NEURL1: variants seen among roughly 807,000 people sequenced by gnomAD.
The protein encoded by NEURL1 is neuralized E3 ubiquitin protein ligase 1.
A neutral mutation model predicts 41.2 loss-of-function variants in NEURL1; 26 were observed. The ratio of observed to expected loss-of-function variants is 0.63; its 90% CI spans 0.46 to 0.87. NEURL1 has a LOEUF of 0.87. NEURL1 is among the 40% of genes least tolerant of loss of function. The probability of loss-of-function intolerance (pLI) is 0.00; values close to 1 mark genes in which losing one functional copy is unlikely to be tolerated. For missense variants in NEURL1, 761 were observed against 871.1 expected (o/e 0.87, Z 1.59); for synonymous variants, 400 against 402.3 (o/e 0.99, Z 0.07).
At chr10:103,530,819 G>GC (rs111437856) in intron 1 of NEURL1, among the ~76,000 whole-genome samples, 73,764 of 151,666 alleles carry the variant, frequency 0.49, 18,706 homozygotes, top group African/African-American at 0.62. Flanking sequence ...GGGATTACAG[G>GC]ATGAGCCACC....
At chr10:103,557,142 T>C (rs1371745192) in intron 1 of NEURL1, among the ~76,000 whole-genome samples, 2 of 152,142 alleles carry the variant, frequency 1.3e-5, no homozygotes, top group East Asian at 3.9e-4. Context: ...AAGATTGCTG[T>C]GCAGGCCAGG....
chr10:103,498,702 C>G (rs2033749036), intron 1 of NEURL1, among the ~76,000 whole-genome samples: 1 of 152,204 alleles, frequency 6.6e-6, no homozygotes, highest in Non-Finnish European at 1.5e-5. Context: ...TCCTGTTACC[C>G]TCTCCCCTGA....
chr10:103,534,115 CTT>C (rs1171642323), intron 1 of NEURL1, among the ~76,000 whole-genome samples: 7 of 148,486 alleles, frequency 4.7e-5, no homozygotes, highest in African/African-American at 1.5e-4. Flanking sequence ...GTTTCTATCT[CTT>C]TGTTGAATTT....
intron 1 of NEURL1, among the ~76,000 whole-genome samples, chr10:103,542,463 A>G (rs1055599722): frequency 1.4e-4 from 22 of 152,022 alleles, no homozygotes; most frequent in Non-Finnish European, 2.5e-4. Context: ...GGGTCTTGCT[A>G]TGTTACCCAG....
At chr10:103,547,322 C>T (rs1238296657) in intron 1 of NEURL1, among the ~76,000 whole-genome samples, 3 of 152,258 alleles carry the variant, frequency 2.0e-5, no homozygotes, top group Non-Finnish European at 4.4e-5. Context: ...AGTGGCCATA[C>T]TGGGAGTACC....
intron 1 of NEURL1, among the ~76,000 whole-genome samples, chr10:103,559,294 T>C (rs547732891): frequency 4.6e-5 from 7 of 152,310 alleles, no homozygotes; most frequent in African/African-American, 1.7e-4. Flanking sequence ...GGCTCGTGCC[T>C]GTGGGCTCCA....
chr10:103,565,643 T>C (rs2035406966), intron 1 of NEURL1, among the ~76,000 whole-genome samples: 1 of 152,186 alleles, frequency 6.6e-6, no homozygotes, highest in Non-Finnish European at 1.5e-5. Flanking sequence ...AGTTGTATTA[T>C]AGATTTTACT....
intron 5 of NEURL1, 67 bp from the exon 6 acceptor site, chr10:103,590,067 C>T (rs1050384072): frequency 1.3e-6 from 2 of 1,488,762 alleles, no homozygotes; most frequent in African/African-American, 2.8e-5. Flanking sequence ...CCGGGGAGCT[C>T]TCTTCCCGTG....
At chr10:103,511,600 C>T (rs41317038) in intron 1 of NEURL1, among the ~76,000 whole-genome samples, 217 of 152,326 alleles carry the variant, frequency 1.4e-3, no homozygotes, top group South Asian at 7.7e-3. Context: ...GTAATAAAAG[C>T]ATAATAAATA....
Position 103,494,438 on chromosome 10 carries a change from C to A in NEURL1, c.51C>A (p.Ser17Arg), listed in dbSNP as rs571019456. The A allele has an allele frequency of 1.3e-6, 2 of 1,597,622 alleles. No homozygotes were observed. The highest frequency in any genetic ancestry group is 1.7e-6 in the Non-Finnish European group (2 of 1,172,572). The change falls in exon 1 of 6, where the codon AGC (serine) becomes AGA (arginine). Residue 17 changes from serine to arginine, a missense_variant. Ser to Arg is a moderately radical substitution (Grantham distance 110). Around this residue, in one of 5 missense-constraint regions of NEURL1, gnomAD observed 94 missense variants for 96.6 expected, o/e 0.97. Transcript: ENST00000369780. ...CCTCGCTGCCCCGAGGAAACCCGAG[C>A]CGCGCGCCGCGGGGCCACCCCCAGA... ...SIPSLPRGNP[S>R]RAPRGHPQNL...
chr10:103,526,851 GA>G (rs777068713), intron 1 of NEURL1, among the ~76,000 whole-genome samples: 5 of 151,662 alleles, frequency 3.3e-5, no homozygotes, highest in Non-Finnish European at 7.4e-5. Context: ...AGGTTATAGC[GA>G]CTAGGCTTTC....
At chr10:103,546,233 G>T (rs1263385289) in intron 1 of NEURL1, among the ~76,000 whole-genome samples, 1 of 152,156 alleles carries the variant, frequency 6.6e-6, no homozygotes, top group Non-Finnish European at 1.5e-5. Context: ...TTATTTAACC[G>T]AAGGTGGCTG....
intron 1 of NEURL1, among the ~76,000 whole-genome samples, chr10:103,517,577 G>A (rs1348874267): frequency 2.0e-5 from 3 of 152,206 alleles, no homozygotes; most frequent in Non-Finnish European, 4.4e-5. Context: ...CATCTCCTCT[G>A]TGTCTCCTCT....
Position 103,584,943 on chromosome 10 carries a change from C to G in NEURL1, c.1057C>G (p.Leu353Val). The change falls in exon 4 of 6, where the codon CTG becomes GTG. Residue 353 changes from leucine to valine, a missense_variant. This residue lies in a region of NEURL1 where 443 missense variants were observed against 408.1 expected (regional missense o/e 1.09). Coordinates refer to ENST00000369780, the MANE Select transcript of NEURL1 (RefSeq NM_004210.5). ...TRSGGARPGA[L>V]SFGVTTCDPG... is the part of the protein sequence containing the mutation. ...CTCGGGTGGCGCGCGGCCCGGCGCGCTGTCGTTCGGCGTCACCACGTGCGA... is the reference window on the plus strand; with the variant it reads ...CTCGGGTGGCGCGCGGCCCGGCGCGGTGTCGTTCGGCGTCACCACGTGCGA... 2 of 1,497,928 alleles carry G rather than the reference C, an allele frequency of 1.3e-6. No homozygotes were observed. The highest frequency in any genetic ancestry group is 2.2e-5 in the Admixed American group (1 of 45,108). 92.8% of individuals were successfully genotyped at this position (1,497,928 alleles called of 1,614,324 possible).
rs554683207 is a variant in NEURL1, at chr10:103,545,640, G to C, written c.86-25232G>C. Among the ~76,000 whole-genome samples, 40 of 152,196 alleles carry C rather than the reference G, an allele frequency of 2.6e-4. No individual in the cohort carries two copies. The highest frequency in any genetic ancestry group is 5.3e-4 in the Non-Finnish European group (36 of 68,020). ...GTAGGCACAGAGCTGGCATAGTGCA[G>C]TGGCTGGACTCAAGTCATCTCTCAC... On this transcript the variant is annotated intron_variant, in intron 1 of 5. Coordinates refer to ENST00000369780, the MANE Select transcript of NEURL1 (RefSeq NM_004210.5). This position sits in a 1 kb window ranked among gnomAD's most constrained non-coding sequence, Gnocchi z 4.5.
At chr10:103,543,246 C>G (rs1178754692) in intron 1 of NEURL1, among the ~76,000 whole-genome samples, 2 of 152,220 alleles carry the variant, frequency 1.3e-5, no homozygotes, top group Admixed American at 1.3e-4. Flanking sequence ...GCTCTGCACT[C>G]TGGCTCCCCC....
intron 1 of NEURL1, among the ~76,000 whole-genome samples, chr10:103,500,583 A>G (rs117656319): frequency 9.3e-4 from 142 of 152,330 alleles, no homozygotes; most frequent in Non-Finnish European, 1.8e-3. Flanking sequence ...GAAAGGGCAC[A>G]CAATGGGGTT....
At chr10:103,575,847 C>T (rs2035651110) in intron 3 of NEURL1, among the ~76,000 whole-genome samples, 1 of 152,244 alleles carries the variant, frequency 6.6e-6, no homozygotes, top group Non-Finnish European at 1.5e-5. Flanking sequence ...TAAATAAACA[C>T]AGGTTTTATG....
chr10:103,585,139 C>A lies in NEURL1; in HGVS notation c.1253C>A (p.Ala418Asp). 6.3e-7 allele frequency: 1 copy of A among 1,591,762 alleles called. No individual in the cohort carries two copies. Among genetic ancestry groups the A allele is most frequent in the South Asian group, 1.1e-5 (1 of 89,402 alleles). ...ELHLSHNGAA[A>D]GMQLCVDASQ... ...CACCTCAGCCACAATGGCGCGGCCGCCGGCATGCAGCTGTGCGTGGACGCC... is the reference window on the plus strand; with the variant it reads ...CACCTCAGCCACAATGGCGCGGCCGACGGCATGCAGCTGTGCGTGGACGCC... Residue 418 changes from alanine (A) to aspartate (D), a missense_variant, in exon 4 of 6, where the codon GCC (alanine) becomes GAC (aspartate). Coordinates refer to ENST00000369780, the MANE Select transcript of NEURL1 (RefSeq NM_004210.5).
Sources: gnomAD v4.1 joint callset for allele counts (sites outside exome capture counted in the v4.1 genomes callset) on GRCh38, gnomAD v4.1.1 for gene constraint, gnomAD v4.1.1 regional missense constraint, Gnocchi (gnomAD v3.1) non-coding constraint, MANE v1.5 for transcripts, NCBI Gene and HGNC (gene_info 2026-07-23, HGNC 2026-07-21) for gene names.